PPP1R12B: variants seen among roughly 807,000 people sequenced by gnomAD.
PPP1R12B encodes myosin phosphatase target subunit 2.
PPP1R12B carries 76 observed loss-of-function variants against 126.1 expected under a neutral mutation model. The observed-to-expected ratio is 0.60, with a 90% confidence interval of 0.50 to 0.73. PPP1R12B has a LOEUF of 0.73. Among genes scored for constraint, PPP1R12B ranks in the 30% least tolerant of loss-of-function variants. The pLI, the probability that PPP1R12B is intolerant of heterozygous loss-of-function variation, is 0.00. For missense variants in PPP1R12B, 1,052 were observed against 1,205.1 expected (o/e 0.87, Z 1.88); for synonymous variants, 356 against 434.7 (o/e 0.82, Z 2.25).
chr1:202,361,740 C>A (rs544054736), intron 1 of PPP1R12B, among the ~76,000 whole-genome samples: 1 of 151,908 alleles, frequency 6.6e-6, no homozygotes, highest in South Asian at 2.1e-4. Context: ...TCAAAGGGAA[C>A]GCTCCAAAGA....
chr1:202,533,468 TTTG>T (rs749653533), intron 18 of PPP1R12B, among the ~76,000 whole-genome samples: 10 of 151,996 alleles, frequency 6.6e-5, no homozygotes, highest in Non-Finnish European at 1.3e-4. Flanking sequence ...TTTGGGTTTT[TTTG>T]TTTTGTTTTG....
intron 12 of PPP1R12B, 132 bp from the exon 13 acceptor site, chr1:202,448,857 G>T: frequency 1.0e-6 from 1 of 993,750 alleles, no homozygotes; most frequent in East Asian, 2.6e-5. Flanking sequence ...TCAAAATTAA[G>T]AAACCAACAA....
intron 1 of PPP1R12B, among the ~76,000 whole-genome samples, chr1:202,368,779 A>T (rs931991003): frequency 1.3e-5 from 2 of 152,124 alleles, no homozygotes; most frequent in African/African-American, 4.8e-5. Flanking sequence ...GTCACACAGG[A>T]TGGGTTGCAA....
rs77890380 is a variant in PPP1R12B at position 202,460,665 on chromosome 1, T to C, written c.1850+11494T>C. Reference sequence around the variant, plus strand: ...TCTACTGATAGAAATAAGCTCTCTCTTCCTAAGTATGAATATTGAACAAGA... The same window carrying C: ...TCTACTGATAGAAATAAGCTCTCTCCTCCTAAGTATGAATATTGAACAAGA... On this transcript the variant is annotated intron_variant, in intron 13 of 23. Transcript: ENST00000608999. Among the ~76,000 whole-genome samples the C allele has an allele frequency of 7.1e-3, 1,086 of 152,344 alleles. 16 individuals carry two copies. Among genetic ancestry groups the C allele is most frequent in the African/African-American group, 0.025 (1,019 of 41,574 alleles).
intron 18 of PPP1R12B, among the ~76,000 whole-genome samples, chr1:202,515,430 T>G (rs1260744138): frequency 6.6e-6 from 1 of 152,242 alleles, no homozygotes; most frequent in East Asian, 1.9e-4. Flanking sequence ...AAAATCTGCA[T>G]ATTTAGCCTG....
At chr1:202,537,310 C>T (rs755162276) in intron 18 of PPP1R12B, among the ~76,000 whole-genome samples, 10 of 151,454 alleles carry the variant, frequency 6.6e-5, no homozygotes, top group Middle Eastern at 3.4e-3. Flanking sequence ...GCAAAGATTG[C>T]GCCACTGCAC....
chr1:202,557,105 G>A (rs543400442), intron 18 of PPP1R12B, among the ~76,000 whole-genome samples: 4 of 152,100 alleles, frequency 2.6e-5, no homozygotes, highest in South Asian at 4.1e-4. Flanking sequence ...CTCCTGCCTC[G>A]GCTTTCCATG....
intron 18 of PPP1R12B, among the ~76,000 whole-genome samples, chr1:202,544,250 A>G (rs1230264483): frequency 1.3e-5 from 2 of 152,222 alleles, no homozygotes; most frequent in Non-Finnish European, 2.9e-5. Flanking sequence ...TAAAGAAAAA[A>G]TTCTAAACTA....
intron 18 of PPP1R12B, among the ~76,000 whole-genome samples, chr1:202,544,589 G>A (rs1399504525): frequency 6.6e-6 from 1 of 152,028 alleles, no homozygotes; most frequent in Non-Finnish European, 1.5e-5. Flanking sequence ...CTTTTAATTA[G>A]GCACATTTTC....
In PPP1R12B at chr1:202,495,615, C is replaced by G; in HGVS notation, c.2381C>G (p.Ser794Cys). The G allele has an allele frequency of 6.2e-7, 1 of 1,614,114 alleles. No individual in the cohort carries two copies. Among genetic ancestry groups the G allele is most frequent in the Non-Finnish European group, 8.5e-7 (1 of 1,180,002 alleles). Residue 794 changes from serine (S) to cysteine (C), a missense_variant, in exon 17 of 24, where the codon TCC (serine) becomes TGC (cysteine). Transcript: ENST00000608999. ...DLDEQSSKRL[S>C]IRERRRPKER... ...GATGAGCAGTCCTCTAAGAGGCTGT[C>G]CATCCGAGAGAGGAGGCGGCCCAAG...
chr1:202,548,973 C>G lies in PPP1R12B; in HGVS notation c.2491-9904C>G, dbSNP rs184023340. Reference sequence around the variant, plus strand: ...TCCCTGCCAAAACCAAGAAAATAAACTACAAAAGCATCCCCTGTCCCAAAA... The same window carrying G: ...TCCCTGCCAAAACCAAGAAAATAAAGTACAAAAGCATCCCCTGTCCCAAAA... On this transcript the variant is annotated intron_variant, in intron 18 of 23. Coordinates refer to ENST00000608999, the MANE Select transcript of PPP1R12B (RefSeq NM_002481.4). Among the ~76,000 whole-genome samples, 794 of 151,976 alleles carry G rather than the reference C, an allele frequency of 5.2e-3. 5 individuals are homozygous for G. The highest frequency in any genetic ancestry group is 7.9e-3 in the Non-Finnish European group (540 of 67,948).
chr1:202,442,485 C>A lies in PPP1R12B; in HGVS notation c.1580C>A (p.Thr527Asn). The change falls in exon 12 of 24, where the codon ACC becomes AAC. Residue 527 changes from threonine to asparagine, a missense_variant. Physicochemically the swap from Thr to Asn is moderately conservative, Grantham distance 65. Transcript: ENST00000608999. ...AVNLVRSGSYTRQLWRDEAKG... is the reference protein window; with the variant it reads ...AVNLVRSGSYNRQLWRDEAKG... ...AATCTAGTGAGGAGTGGCTCCTATACCCGGCAGCTATGGAGGGATGAAGCA... is the reference window on the plus strand; with the variant it reads ...AATCTAGTGAGGAGTGGCTCCTATAACCGGCAGCTATGGAGGGATGAAGCA... 4 of 1,613,524 alleles carry A rather than the reference C, an allele frequency of 2.5e-6. No individual in the cohort carries two copies. Among genetic ancestry groups the A allele is most frequent in the Non-Finnish European group, 3.4e-6 (4 of 1,179,732 alleles).
chr1:202,465,211 C>T (rs1674821459), intron 13 of PPP1R12B, among the ~76,000 whole-genome samples: 1 of 152,118 alleles, frequency 6.6e-6, no homozygotes, highest in African/African-American at 2.4e-5. Context: ...TAATGAAAAG[C>T]CAGAATTCAA....
intron 1 of PPP1R12B, among the ~76,000 whole-genome samples, chr1:202,360,792 T>C (rs1658037858): frequency 6.6e-6 from 1 of 152,104 alleles, no homozygotes; most frequent in Non-Finnish European, 1.5e-5. Context: ...ACAAGGTGCC[T>C]AATGTTGAGA....
At chr1:202,574,907 T>G (rs1311554072) in intron 23 of PPP1R12B, 1 of 1,246,648 alleles carries the variant, frequency 8.0e-7, no homozygotes, top group Non-Finnish European at 1.1e-6. Context: ...AAACAAAAAG[T>G]CATGTGATTT....
At chr1:202,558,100 A>G (rs1215616952) in intron 18 of PPP1R12B, among the ~76,000 whole-genome samples, 1 of 151,978 alleles carries the variant, frequency 6.6e-6, no homozygotes, top group Non-Finnish European at 1.5e-5. Flanking sequence ...AATTAAGTGC[A>G]TTTAAATCAA....
chr1:202,456,709 C>A (rs1673687524), intron 13 of PPP1R12B, among the ~76,000 whole-genome samples: 1 of 152,184 alleles, frequency 6.6e-6, no homozygotes, highest in Non-Finnish European at 1.5e-5. Context: ...AGATGACTCA[C>A]TTGTGAGAAA....
intron 9 of PPP1R12B, among the ~76,000 whole-genome samples, chr1:202,435,375 G>A (rs1390494758): frequency 6.6e-6 from 1 of 152,210 alleles, no homozygotes; most frequent in Admixed American, 6.5e-5. Context: ...CTTTGTATCT[G>A]AAGTTAAGAT....
intron 18 of PPP1R12B, among the ~76,000 whole-genome samples, chr1:202,545,110 G>C (rs533847496): frequency 4.3e-4 from 66 of 152,310 alleles, no homozygotes; most frequent in African/African-American, 1.6e-3. Flanking sequence ...ATAATCCGTT[G>C]TCATGGAATG....
Sources: gnomAD v4.1 joint callset for allele counts (sites outside exome capture counted in the v4.1 genomes callset) on GRCh38, gnomAD v4.1.1 for gene constraint, MANE v1.5 for transcripts, NCBI Gene and HGNC (gene_info 2026-07-23, HGNC 2026-07-21) for gene names.